The following BMP8A variants were observed in gnomAD, a reference collection of about 807,000 sequenced individuals.
BMP8A encodes bone morphogenetic protein 8a, also known as BMP-8A.
A neutral mutation model predicts 36.8 loss-of-function variants in BMP8A; 14 were observed. The ratio of observed to expected loss-of-function variants is 0.38; its 90% confidence interval spans 0.25 to 0.60. The LOEUF is 0.60. BMP8A is among the 20% of genes least tolerant of loss of function. The pLI is 0.63. For synonymous variants in BMP8A, 120 were observed against 237.7 expected (o/e 0.50, Z 4.55); for missense variants, 267 against 551.1 (o/e 0.48, Z 5.16).
chr1:39,492,670 C>T (rs562393933), intron 1 of BMP8A, among the ~76,000 whole-genome samples: 11 of 152,300 alleles, frequency 7.2e-5, no homozygotes, highest in Admixed American at 5.2e-4. Context: ...TAAACAGAGG[C>T]CGGGATGCTG....
rs1645483338 is a variant in BMP8A at position 39,526,349 on chromosome 1, T to TC, written c.*551_*552insC. Among the ~76,000 whole-genome samples the TC allele has an allele frequency of 6.6e-6, 1 of 151,934 alleles. No homozygotes were observed. The highest frequency in any genetic ancestry group is 1.5e-5 in the Non-Finnish European group (1 of 67,936). On this transcript the variant is annotated 3_prime_UTR_variant, in exon 7 of 7. Coordinates refer to ENST00000331593, the MANE Select transcript of BMP8A (RefSeq NM_181809.4). ...ACGAAGCCACTGGGGATTTTTTTTT[T>TC]TTTTTTCCAGATAGAGTCTCACTCT...
chr1:39,525,499 AT>A, intron 6 of BMP8A, 149 bp from the exon 7 acceptor site: 2 of 1,165,396 alleles, frequency 1.7e-6, no homozygotes, highest in Non-Finnish European at 2.4e-6. Context: ...GGCTGCTCTT[AT>A]TCCTGTTAAT....
intron 1 of BMP8A, among the ~76,000 whole-genome samples, chr1:39,503,549 C>G (rs1645271899): frequency 8.1e-6 from 1 of 123,982 alleles, no homozygotes; most frequent in African/African-American, 3.1e-5. Context: ...TGGAGTCTCG[C>G]TCTCTCCCAG....
chr1:39,526,472 G>A lies in BMP8A; in HGVS notation c.*674G>A, dbSNP rs1645484633. Among the ~76,000 whole-genome samples, 2 of 151,934 alleles carry A rather than the reference G, an allele frequency of 1.3e-5. No homozygotes were observed. Among genetic ancestry groups the A allele is most frequent in the Admixed American group, 1.3e-4 (2 of 15,254 alleles). ...TCGTGCCTCAGCCTCCTGAGTAGCT[G>A]GGATTACAGGGGCCCACCACCACGC... On this transcript the variant is annotated 3_prime_UTR_variant, in exon 7 of 7. Coordinates refer to ENST00000331593, the MANE Select transcript of BMP8A (RefSeq NM_181809.4).
intron 1 of BMP8A, among the ~76,000 whole-genome samples, chr1:39,509,146 C>A (rs866300070): frequency 2.8e-4 from 42 of 152,160 alleles, no homozygotes; most frequent in African/African-American, 1.0e-3. Flanking sequence ...ACCCAGCAGC[C>A]CTGCTGTGCC....
chr1:39,525,904 G>T lies in BMP8A; in HGVS notation c.*106G>T. The T allele has an allele frequency of 6.5e-7, 1 of 1,543,696 alleles. No individual in the cohort carries two copies. Among genetic ancestry groups the T allele is most frequent in the Non-Finnish European group, 8.8e-7 (1 of 1,141,664 alleles). On this transcript the variant is annotated 3_prime_UTR_variant, in exon 7 of 7. Coordinates refer to ENST00000331593, the MANE Select transcript of BMP8A (RefSeq NM_181809.4). ...CACAGCTCAAGCAGGAGTGTCAGGG[G>T]CCCTCACTCTCGGTGCCTACTTCCT...
rs534587860 is a variant in BMP8A, at chr1:39,524,522, G to A, written c.1060-1127G>A. 6.6e-6 allele frequency among the ~76,000 whole-genome samples: 1 copy of A among 152,200 alleles called. No homozygotes were observed. Among genetic ancestry groups the A allele is most frequent in the South Asian group, 2.1e-4 (1 of 4,828 alleles). ...AATGTTCCAGAAGGAGCAAGTGCAA[G>A]GCCCTAAGACAGGAGCAGGCTGGCC... On this transcript the variant is annotated intron_variant, in intron 6 of 6. Coordinates refer to ENST00000331593, the MANE Select transcript of BMP8A (RefSeq NM_181809.4). This position sits in a 1 kb window ranked among gnomAD's most constrained non-coding sequence, Gnocchi z 4.0.
intron 1 of BMP8A, among the ~76,000 whole-genome samples, chr1:39,501,185 G>C (rs1031294683): frequency 2.6e-5 from 4 of 152,100 alleles, no homozygotes; most frequent in Non-Finnish European, 5.9e-5. Context: ...CCCACCCACT[G>C]GCCCCCTCCT....
chr1:39,498,597 C>T (rs574597127), intron 1 of BMP8A, among the ~76,000 whole-genome samples: 113 of 152,288 alleles, frequency 7.4e-4, no homozygotes, highest in African/African-American at 2.5e-3. Context: ...GCCCTGGGCC[C>T]GCCTCGAGGC....
intron 1 of BMP8A, among the ~76,000 whole-genome samples, chr1:39,504,478 T>A (rs1218157667): frequency 2.0e-5 from 3 of 152,192 alleles, no homozygotes; most frequent in Non-Finnish European, 2.9e-5. Context: ...AGATTTATGT[T>A]TGACTTTACA....
rs1645459487 is a variant in BMP8A, at chr1:39,524,179, C to CA, written c.1059+1063dup. Among the ~76,000 whole-genome samples, 1 of 152,198 alleles carries CA rather than the reference C, an allele frequency of 6.6e-6. No homozygotes were observed. The highest frequency in any genetic ancestry group is 2.4e-5 in the African/African-American group (1 of 41,456). On this transcript the variant is annotated intron_variant, in intron 6 of 6. Coordinates refer to ENST00000331593, the MANE Select transcript of BMP8A (RefSeq NM_181809.4). This position sits in a 1 kb window ranked among gnomAD's most constrained non-coding sequence, Gnocchi z 4.0. The stretch of plus-strand genomic sequence containing the variant: ...GACGCGTGGGGTGGCCTGGCCCAGC[C>CA]ACCCTTTATGCCGTGTGGTTCTCAC...
intron 6 of BMP8A, 42 bp downstream of exon 6, chr1:39,523,159 G>C (rs756169066): frequency 6.2e-7 from 1 of 1,601,754 alleles, no homozygotes; most frequent in Non-Finnish European, 8.6e-7. Context: ...TGGGGTGGGA[G>C]GCCCTGCAGA....
At chr1:39,505,492 AT>A (rs1321148306) in intron 1 of BMP8A, among the ~76,000 whole-genome samples, 1 of 152,120 alleles carries the variant, frequency 6.6e-6, no homozygotes, top group Non-Finnish European at 1.5e-5. Flanking sequence ...AAGCAGAAGA[AT>A]TTTTCTTAGT....
intron 1 of BMP8A, among the ~76,000 whole-genome samples, chr1:39,497,235 A>T (rs1289695734): frequency 6.6e-6 from 1 of 152,192 alleles, no homozygotes; most frequent in African/African-American, 2.4e-5. Context: ...GATATATTAA[A>T]GCAGGGATTT....
intron 1 of BMP8A, among the ~76,000 whole-genome samples, chr1:39,506,496 C>T (rs747220971): frequency 7.2e-5 from 11 of 151,858 alleles, no homozygotes; most frequent in Admixed American, 5.2e-4. Flanking sequence ...TGTGAGCCAC[C>T]GCGCCCCCCC....
At chr1:39,513,750 G>A (rs1018584725) in intron 3 of BMP8A, among the ~76,000 whole-genome samples, 1 of 151,772 alleles carries the variant, frequency 6.6e-6, no homozygotes, top group Non-Finnish European at 1.5e-5. Context: ...AGGCGAGGGA[G>A]GTGCTGGCAT....
chr1:39,498,364 G>T (rs978981154), intron 1 of BMP8A, among the ~76,000 whole-genome samples: 2 of 152,162 alleles, frequency 1.3e-5, no homozygotes, highest in African/African-American at 4.8e-5. Context: ...ATTCTTTCCC[G>T]GGATTTCACT....
chr1:39,492,938 G>C (rs554418983), intron 1 of BMP8A, among the ~76,000 whole-genome samples: 1 of 152,274 alleles, frequency 6.6e-6, no homozygotes, highest in African/African-American at 2.4e-5. Flanking sequence ...GTGAGTGTCC[G>C]GTCCTGTGGA....
intron 6 of BMP8A, among the ~76,000 whole-genome samples, 184 bp downstream of exon 6, chr1:39,523,301 CACT>C (rs1645448553): frequency 6.6e-6 from 1 of 152,198 alleles, no homozygotes; most frequent in East Asian, 1.9e-4. Context: ...CATACAGCCA[CACT>C]ACTACACATA....
Sources: gnomAD v4.1 joint callset for allele counts (sites outside exome capture counted in the v4.1 genomes callset) on GRCh38, gnomAD v4.1.1 for gene constraint, Gnocchi (gnomAD v3.1) non-coding constraint, MANE v1.5 for transcripts, NCBI Gene and HGNC (gene_info 2026-07-23, HGNC 2026-07-21) for gene names.